DOCK3: variants seen among roughly 807,000 people sequenced by gnomAD.
DOCK3 encodes dedicator of cytokinesis protein 3.
Under a neutral mutation model 265.6 loss-of-function variants are expected in DOCK3, and 60 were observed. The ratio of observed to expected loss-of-function variants is 0.23; its 90% CI spans 0.18 to 0.28. DOCK3 has a LOEUF of 0.28. Ranked by LOEUF, DOCK3 falls within the 10% of genes least tolerant of loss-of-function variation. The pLI is 1.00. For missense variants in DOCK3, 1,981 were observed against 2,594.3 expected (o/e 0.76, Z 5.14); for synonymous variants, 881 against 938.0 (o/e 0.94, Z 1.11).
intron 3 of DOCK3, chr3:50,863,410 G>C (rs778168561): frequency 5.4e-5 from 28 of 519,724 alleles, no homozygotes; most frequent in South Asian, 3.8e-4. Flanking sequence ...CATAGCTCTG[G>C]GTTACAAGGG....
intron 9 of DOCK3, among the ~76,000 whole-genome samples, chr3:51,094,775 T>C (rs1440944122): frequency 6.6e-6 from 1 of 151,698 alleles, no homozygotes. Context: ...ATTTTAGATA[T>C]CTCCCACTAT....
At position 51,354,893 on chromosome 3, in the gene DOCK3, C is replaced by T. The variant is rs531449349; in HGVS notation, c.4119C>T (p.Tyr1373=). The T allele has an allele frequency of 1.9e-5, 30 of 1,613,506 alleles. No homozygotes were observed. In the South Asian group the frequency reaches 2.0e-4, roughly 11 times the overall value. ...TCTGTTTGTGGCAGAACAAAGAATA[C>T]GTGTGCCGTGGCCATGACTACGAGA... ...KFPFFLRNKE[Y]VCRGHDYERL... The change falls in exon 41 of 53, where the codon TAC becomes TAT. Residue 1373 remains tyrosine (Y), a synonymous_variant. Transcript: ENST00000266037.
At chr3:50,843,318 A>G (rs2045928521) in intron 3 of DOCK3, among the ~76,000 whole-genome samples, 1 of 152,140 alleles carries the variant, frequency 6.6e-6, no homozygotes, top group African/African-American at 2.4e-5. Flanking sequence ...AAGAGAGTTT[A>G]CTTGTATGTC....
chr3:51,287,623 A>G (rs1479035192), intron 27 of DOCK3, among the ~76,000 whole-genome samples: 3 of 152,218 alleles, frequency 2.0e-5, no homozygotes, highest in African/African-American at 7.2e-5. Context: ...AAAAAATTAA[A>G]AGTCAAAAAA....
chr3:51,213,126 C>G (rs2089605337), intron 13 of DOCK3, among the ~76,000 whole-genome samples: 1 of 152,052 alleles, frequency 6.6e-6, no homozygotes, highest in Admixed American at 6.5e-5. Context: ...TTGTTACTAT[C>G]TCCATTCCAG....
intron 5 of DOCK3, among the ~76,000 whole-genome samples, chr3:51,006,696 C>T (rs1394949916): frequency 6.6e-6 from 1 of 152,086 alleles, no homozygotes. Context: ...CATATGTATA[C>T]ATGTGCTGTG....
chr3:51,380,991 C>T lies in DOCK3; in HGVS notation c.5584-59C>T, dbSNP rs767190247. 1,181 of 1,521,798 alleles carry T rather than the reference C, an allele frequency of 7.8e-4. 3 individuals are homozygous for T. The highest frequency in any genetic ancestry group is 9.5e-4 in the Non-Finnish European group (1,075 of 1,136,122). The allele number at this position is 1,521,798 out of a possible 1,614,324, so 94.3% of individuals were successfully genotyped here. A position where few individuals can be genotyped will look rare whatever the true frequency, so the allele number is the denominator to read the frequency against. On this transcript the variant is annotated intron_variant, in intron 52 of 52. Coordinates refer to ENST00000266037, the MANE Select transcript of DOCK3 (RefSeq NM_004947.5). Reference sequence around the variant, plus strand: ...AAGCAGGCTCTTGGTCTTCCTATGGCGGGCAAGTCAGCCTGTCTGGAGAGA... The same window carrying T: ...AAGCAGGCTCTTGGTCTTCCTATGGTGGGCAAGTCAGCCTGTCTGGAGAGA...
At chr3:50,811,594 A>G (rs1173168070) in intron 2 of DOCK3, among the ~76,000 whole-genome samples, 1 of 152,206 alleles carries the variant, frequency 6.6e-6, no homozygotes, top group African/African-American at 2.4e-5. Context: ...GAATGCTTAC[A>G]TGCTGGTTGC....
At chr3:50,755,368 A>G (rs1000779791) in intron 1 of DOCK3, among the ~76,000 whole-genome samples, 5 of 152,212 alleles carry the variant, frequency 3.3e-5, no homozygotes, top group African/African-American at 1.2e-4. Context: ...TGCTCCATGT[A>G]TAGTATCACC....
chr3:51,066,021 A>C (rs550398169), intron 6 of DOCK3, among the ~76,000 whole-genome samples: 1 of 152,234 alleles, frequency 6.6e-6, no homozygotes, highest in Non-Finnish European at 1.5e-5. Context: ...AAGATCCACT[A>C]TGTAGAATAA....
intron 5 of DOCK3, among the ~76,000 whole-genome samples, chr3:51,009,013 G>A (rs1400602878): frequency 6.6e-6 from 1 of 152,016 alleles, no homozygotes; most frequent in Non-Finnish European, 1.5e-5. Context: ...CGCTGGATTT[G>A]GTTTACCAGT....
Position 51,312,847 on chromosome 3 carries a change from T to C in DOCK3, c.3198T>C (p.Tyr1066=). ...GCTCCTGTGTTACTATTCTTAGGTA[T>C]GGGGACATGCGTGTAATGATGGCCT... is the stretch of plus-strand genomic sequence containing the variant. ...SAKRKKILDK[Y]GDMRVMMAYE... Residue 1066 remains tyrosine, a synonymous_variant, in exon 31 of 53, where the codon TAT becomes TAC. Coordinates refer to ENST00000266037, the MANE Select transcript of DOCK3 (RefSeq NM_004947.5). 1 of 1,610,286 alleles carries C rather than the reference T, an allele frequency of 6.2e-7. No homozygotes were observed. Among genetic ancestry groups the C allele is most frequent in the Non-Finnish European group, 8.5e-7 (1 of 1,178,202 alleles).
chr3:51,195,551 A>G (rs534351761), intron 12 of DOCK3, among the ~76,000 whole-genome samples: 2 of 152,062 alleles, frequency 1.3e-5, no homozygotes, highest in Admixed American at 1.3e-4. Flanking sequence ...AGTAGCTGAG[A>G]TTACAGATGC....
chr3:51,211,888 G>A (rs1410696944), intron 13 of DOCK3, among the ~76,000 whole-genome samples: 1 of 152,194 alleles, frequency 6.6e-6, no homozygotes, highest in African/African-American at 2.4e-5. Flanking sequence ...TAATGGGATG[G>A]CTGGGTTGAT....
At chr3:51,355,814 AG>A (rs1295866667) in intron 41 of DOCK3, among the ~76,000 whole-genome samples, 1 of 152,142 alleles carries the variant, frequency 6.6e-6, no homozygotes, top group East Asian at 1.9e-4. Context: ...TGTTTCTTAA[AG>A]GGGCACCAGA....
Position 50,961,428 on chromosome 3 carries a change from G to A in DOCK3, c.315+27351G>A, listed in dbSNP as rs144825588. On this transcript the variant is annotated intron_variant, in intron 5 of 52. Transcript: ENST00000266037. ...GTGGTGCATTGCTAGTTTATAAACA[G>A]AATGGTTAGGGAAGTCCTTCATGAT... is the stretch of plus-strand genomic sequence containing the variant. 8.1e-4 allele frequency among the ~76,000 whole-genome samples: 124 copies of A among 152,300 alleles called. No individual in the cohort carries two copies. In the East Asian group the frequency reaches 0.022, roughly 27 times the overall value.
At chr3:50,757,163 C>CTTTTTTTT (rs34435343) in intron 1 of DOCK3, among the ~76,000 whole-genome samples, 3 of 81,628 alleles carry the variant, frequency 3.7e-5, no homozygotes, top group Non-Finnish European at 6.3e-5. Flanking sequence ...AGATTGTCGT[C>CTTTTTTTT]TTTTTTTTTT....
chr3:51,079,696 T>A (rs902005751), intron 7 of DOCK3, among the ~76,000 whole-genome samples: 14 of 152,120 alleles, frequency 9.2e-5, no homozygotes, highest in Admixed American at 6.6e-5. Context: ...AAGTCCTTAG[T>A]GCTCTTCAAT....
At chr3:50,919,308 T>C (rs1270984737) in intron 4 of DOCK3, among the ~76,000 whole-genome samples, 1 of 152,216 alleles carries the variant, frequency 6.6e-6, no homozygotes, top group Non-Finnish European at 1.5e-5. Context: ...ATTGGTAGCT[T>C]GATGGGGATA....
Sources: allele counts gnomAD v4.1 joint callset (sites outside exome capture counted in the v4.1 genomes callset), GRCh38; gene constraint gnomAD v4.1.1; transcripts MANE v1.5; gene names NCBI Gene and HGNC (gene_info 2026-07-23, HGNC 2026-07-21).